The following SLC24A1 variants were observed in gnomAD, a reference collection of about 807,000 sequenced individuals.
SLC24A1 encodes solute carrier family 24 member 1.
Under a neutral mutation model 88.1 loss-of-function variants are expected in SLC24A1, and 52 were observed. That is an observed-to-expected ratio of 0.59 (90% CI 0.47 to 0.74). SLC24A1 has a LOEUF of 0.74. SLC24A1 is among the 30% of genes least tolerant of loss of function. The pLI is 0.00. For missense variants in SLC24A1, 1,173 were observed against 1,363.3 expected, an observed-to-expected ratio of 0.86 and a Z score of 2.20; for synonymous variants, 455 against 498.0, an observed-to-expected ratio of 0.91 and a Z score of 1.15.
chr15:65,646,126 T>A (rs1455699462), intron 6 of SLC24A1, among the ~76,000 whole-genome samples: 4 of 152,222 alleles, frequency 2.6e-5, no homozygotes, highest in Non-Finnish European at 5.9e-5. Context: ...CTCAGCCTTG[T>A]CTGCAGAGCT....
chr15:65,637,056 C>T (rs1175695003), intron 2 of SLC24A1, among the ~76,000 whole-genome samples: 1 of 151,840 alleles, frequency 6.6e-6, no homozygotes, highest in Non-Finnish European at 1.5e-5. Context: ...AAGGTAGAGT[C>T]TACATGTAGC....
chr15:65,647,504 GAGAC>G (rs899977853), intron 6 of SLC24A1, among the ~76,000 whole-genome samples: 2 of 147,606 alleles, frequency 1.4e-5, no homozygotes, highest in African/African-American at 5.0e-5. Context: ...AAAAAAGAGA[GAGAC>G]AGAGAGAGAA....
chr15:65,625,359 C>G lies in SLC24A1; in HGVS notation c.1279C>G (p.Leu427Val), dbSNP rs748421341. The G allele has an allele frequency of 2.5e-6, 4 of 1,613,942 alleles. No homozygotes were observed. The East Asian group carries it at 8.9e-5, about 36-fold the overall frequency. Residue 427 changes from leucine to valine, a missense_variant, in exon 2 of 10, where the codon CTG (leucine) becomes GTG (valine). Transcript: ENST00000261892. ...GGAGCTCAGTCCTAGTCCCTCAGTG[C>G]TGCCTCCCAGCTTGCCAGACCTCCA... ...PEELSPSPSV[L>V]PPSLPDLHPK...
At chr15:65,639,376 G>A (rs1188084479) in intron 3 of SLC24A1, among the ~76,000 whole-genome samples, 1 of 152,194 alleles carries the variant, frequency 6.6e-6, no homozygotes, top group Non-Finnish European at 1.5e-5. Context: ...AAATTATTCA[G>A]TACCTAAAAC....
chr15:65,612,886 G>A (rs574363148), intron 2 of SLC24A1, among the ~76,000 whole-genome samples: 1 of 152,224 alleles, frequency 6.6e-6, no homozygotes, highest in South Asian at 2.1e-4. Context: ...GGGAGACTTG[G>A]AAAGCAAAAA....
intron 6 of SLC24A1, 51 bp downstream of exon 6, chr15:65,645,754 ACTCTTGACC>A: frequency 7.9e-7 from 1 of 1,259,708 alleles, no homozygotes; most frequent in Admixed American, 2.1e-5. Context: ...TAGGGAAGGA[ACTCTTGACC>A]AAAAATACAT....
intron 2 of SLC24A1, among the ~76,000 whole-genome samples, chr15:65,615,650 C>T (rs948576414): frequency 6.6e-6 from 1 of 151,986 alleles, no homozygotes; most frequent in Non-Finnish European, 1.5e-5. Flanking sequence ...CACTGCACTC[C>T]AGCCTGGGCA....
At chr15:65,645,554 C>A in intron 5 of SLC24A1, 58 bp from the exon 6 acceptor site, 4 of 1,343,120 alleles carry the variant, frequency 3.0e-6, no homozygotes, top group Non-Finnish European at 4.2e-6. Context: ...GTGTCTCTGC[C>A]AGCTTCCTTC....
chr15:65,659,593 C>G (rs905589462), downstream of SLC24A1: 8 of 152,116 alleles, frequency 5.3e-5, no homozygotes, highest in Admixed American at 1.3e-4. Flanking sequence ...CCTGCTTCAG[C>G]CTCCCAAAGT....
At chr15:65,633,979 G>A (rs563620660) in intron 2 of SLC24A1, among the ~76,000 whole-genome samples, 4 of 152,280 alleles carry the variant, frequency 2.6e-5, no homozygotes, top group African/African-American at 7.2e-5. Context: ...GAGACAAGGC[G>A]AAATGTGAGA....
chr15:65,647,544 G>C (rs991957719), intron 6 of SLC24A1, among the ~76,000 whole-genome samples: 20 of 151,304 alleles, frequency 1.3e-4, no homozygotes, highest in Admixed American at 3.3e-4. Context: ...CAGCTCCTTG[G>C]TCAAGAATCC....
rs201452975 is a variant in SLC24A1 at position 65,639,613 on chromosome 15, C to T, written c.1963C>T (p.Arg655Ter). ...KKLKLPSLLT[R>*]GSSSTSLHNS... The stretch of plus-strand genomic sequence containing the variant: ...TGCTCAGCTCCCGTCCTTGCTGACC[C>T]GAGGGAGCAGCTCGACCTCTCTGCA... Residue 655 changes from arginine to a stop codon, truncating the protein, a stop_gained, in exon 4 of 10, where the codon CGA becomes TGA. Transcript: ENST00000261892. LOFTEE classifies it high-confidence loss of function. 6.4e-5 allele frequency: 103 copies of T among 1,610,448 alleles called. 1 individual carries two copies. The Middle Eastern group carries it at 1.2e-3, about 18-fold the overall frequency.
chr15:65,642,573 A>G (rs1262962929), intron 4 of SLC24A1, among the ~76,000 whole-genome samples: 2 of 152,186 alleles, frequency 1.3e-5, no homozygotes, highest in African/African-American at 4.8e-5. Flanking sequence ...CTGTGACAGC[A>G]GCTACACATT....
rs930971260 is a variant in SLC24A1, at chr15:65,655,386, A to G, written c.*1307A>G. ...TACAAAAGGGAAATTCCAAGAATGC[A>G]TAACACAATGACAACATGGTGAGAA... is the stretch of plus-strand genomic sequence containing the variant. On this transcript the variant is annotated 3_prime_UTR_variant, in exon 10 of 10. Coordinates refer to ENST00000261892, the MANE Select transcript of SLC24A1 (RefSeq NM_004727.3). 4.1e-6 allele frequency: 4 copies of G among 985,426 alleles called. No homozygotes were observed. The highest frequency in any genetic ancestry group is 4.8e-6 in the Non-Finnish European group (4 of 829,880). 61.0% of individuals were successfully genotyped at this position (985,426 alleles called of 1,614,324 possible).
At chr15:65,657,637 G>A (rs1219655362), downstream of SLC24A1, among the ~76,000 whole-genome samples, 1 of 152,080 alleles carries the variant, frequency 6.6e-6, no homozygotes, top group Non-Finnish European at 1.5e-5. Flanking sequence ...GCGAGACTCC[G>A]TCTCAAAAAA....
intron 3 of SLC24A1, 114 bp from the exon 4 acceptor site, chr15:65,639,481 C>T: frequency 4.5e-6 from 3 of 666,152 alleles, no homozygotes; most frequent in African/African-American, 1.8e-5. Flanking sequence ...CAGGATAAGG[C>T]ATCTGTGCTT....
chr15:65,655,237 C>T lies in SLC24A1; in HGVS notation c.*1158C>T, dbSNP rs1044449944. 2.1e-5 allele frequency: 21 copies of T among 985,110 alleles called. No individual in the cohort carries two copies. Among genetic ancestry groups the T allele is most frequent in the South Asian group, 1.4e-4 (3 of 21,298 alleles). The allele number at this position is 985,110 out of a possible 1,614,324, so 61.0% of individuals were successfully genotyped here. A position where few individuals can be genotyped will look rare whatever the true frequency, so the allele number is the denominator to read the frequency against. The stretch of plus-strand genomic sequence containing the variant: ...ATTCTAAAGAGTCCAAAGTCAGTAG[C>T]GCCACATCTGGTTTATAAAGTAAGA... On this transcript the variant is annotated 3_prime_UTR_variant, in exon 10 of 10. Transcript: ENST00000261892.
intron 2 of SLC24A1, among the ~76,000 whole-genome samples, chr15:65,627,365 T>C (rs981961197): frequency 6.6e-5 from 10 of 152,182 alleles, no homozygotes; most frequent in Non-Finnish European, 1.3e-4. Context: ...CCCAATGCAA[T>C]GGTTATTTGT....
chr15:65,642,203 T>G (rs2075152071), intron 4 of SLC24A1, among the ~76,000 whole-genome samples: 1 of 152,168 alleles, frequency 6.6e-6, no homozygotes, highest in Non-Finnish European at 1.5e-5. Flanking sequence ...CATTTGTGTT[T>G]TTGTATGCTG....
Sources: gnomAD v4.1 joint callset for allele counts (sites outside exome capture counted in the v4.1 genomes callset) on GRCh38, gnomAD v4.1.1 for gene constraint, MANE v1.5 for transcripts, NCBI Gene and HGNC (gene_info 2026-07-23, HGNC 2026-07-21) for gene names.